Variants in NLGN1 observed in about 807,000 individuals in gnomAD.
The protein encoded by NLGN1 is neuroligin 1, also known as neuroligin-1.
NLGN1 carries 12 observed loss-of-function variants against 65.5 expected under a neutral mutation model. That is an observed-to-expected ratio of 0.18 (90% CI 0.12 to 0.30). The LOEUF is 0.30. NLGN1 is among the 10% of genes least tolerant of loss of function. The pLI is 1.00. For missense variants in NLGN1, 750 were observed against 1,007.1 expected (o/e 0.74, Z 3.46); for synonymous variants, 350 against 359.5 (o/e 0.97, Z 0.30).
chr3:174,069,686 C>G (rs6807789), intron 4 of NLGN1, among the ~76,000 whole-genome samples: 5,056 of 152,260 alleles, frequency 0.033, 281 homozygotes, highest in African/African-American at 0.12. Flanking sequence ...GATTGTTCAG[C>G]TGTTTGGGCA....
chr3:173,729,561 G>A (rs1242173302), intron 3 of NLGN1, among the ~76,000 whole-genome samples: 1 of 152,024 alleles, frequency 6.6e-6, no homozygotes, highest in African/African-American at 2.4e-5. Flanking sequence ...ATGCAAAATT[G>A]TAAGCTTTTC....
At position 173,940,547 on chromosome 3, in the gene NLGN1, G is replaced by A. The variant is rs182062293; in HGVS notation, c.646+132715G>A. On this transcript the variant is annotated intron_variant, in intron 4 of 6. Transcript: ENST00000457714. ...ATATAAAACTACAGATTTGATATGT[G>A]TCATTCGGAAAAACTGTCCTGAACA... is the stretch of plus-strand genomic sequence containing the variant. Among the ~76,000 whole-genome samples the A allele has an allele frequency of 3.8e-4, 58 of 152,164 alleles. 1 individual carries two copies. Among genetic ancestry groups the A allele is most frequent in the African/African-American group, 1.3e-3 (55 of 41,502 alleles).
At chr3:174,278,226 T>C (rs570969441) in intron 5 of NLGN1, among the ~76,000 whole-genome samples, 1 of 151,974 alleles carries the variant, frequency 6.6e-6, no homozygotes, top group Admixed American at 6.6e-5. Flanking sequence ...TTATGTCTTC[T>C]TCTGAAAGAT....
intron 2 of NLGN1, among the ~76,000 whole-genome samples, chr3:173,461,973 T>TG (rs1576805797): frequency 6.6e-6 from 1 of 152,196 alleles, no homozygotes; most frequent in Non-Finnish European, 1.5e-5. Context: ...TGTAAAGTTG[T>TG]GCTTCTCAAA....
intron 3 of NLGN1, among the ~76,000 whole-genome samples, chr3:173,672,373 A>G (rs1762561953): frequency 6.6e-6 from 1 of 152,162 alleles, no homozygotes. Context: ...TATCAGGGTG[A>G]ATAAAGACTG....
At chr3:173,604,678 C>T (rs370512356) in exon 3 of NLGN1, 15 of 1,613,554 alleles carry the variant, frequency 9.3e-6, no homozygotes, top group Non-Finnish European at 1.2e-5. Context: ...GGATTGGGTG[C>T]CCCATTGACT....
intron 2 of NLGN1, among the ~76,000 whole-genome samples, chr3:173,441,769 G>A (rs778265218): frequency 1.3e-5 from 2 of 152,122 alleles, no homozygotes; most frequent in Non-Finnish European, 2.9e-5. Flanking sequence ...ATGCTGTTGG[G>A]AAAATGACAC....
intron 4 of NLGN1, among the ~76,000 whole-genome samples, chr3:174,050,233 TA>T (rs1206308406): frequency 6.6e-6 from 1 of 152,034 alleles, no homozygotes; most frequent in Non-Finnish European, 1.5e-5. Context: ...AGGTGACTAG[TA>T]TTCAAAAGGA....
rs577301398 is a variant in NLGN1, at chr3:174,066,048, C to T, written c.647-209267C>T. Among the ~76,000 whole-genome samples, 231 of 152,228 alleles carry T rather than the reference C, an allele frequency of 1.5e-3. 1 individual carries two copies. The highest frequency in any genetic ancestry group is 5.3e-3 in the African/African-American group (221 of 41,544). Reference sequence around the variant, plus strand: ...AATTTGTTACACAGCATTACTAATGCACTTGGATTTGTAAGACTGCTTTTT... The same window carrying T: ...AATTTGTTACACAGCATTACTAATGTACTTGGATTTGTAAGACTGCTTTTT... On this transcript the variant is annotated intron_variant, in intron 4 of 6. Transcript: ENST00000457714.
intron 2 of NLGN1, among the ~76,000 whole-genome samples, chr3:173,436,963 A>C (rs1431731672): frequency 1.3e-5 from 2 of 152,084 alleles, no homozygotes; most frequent in African/African-American, 4.8e-5. Flanking sequence ...TTGGTGCTGC[A>C]ATGTTCCTTT....
chr3:173,660,552 T>C (rs1760785734), intron 3 of NLGN1, among the ~76,000 whole-genome samples: 2 of 151,830 alleles, frequency 1.3e-5, no homozygotes, highest in Admixed American at 6.6e-5. Context: ...ATCAAAAGCA[T>C]TACAGTCAAT....
At chr3:173,479,586 T>C (rs1270809536) in intron 2 of NLGN1, among the ~76,000 whole-genome samples, 1 of 152,150 alleles carries the variant, frequency 6.6e-6, no homozygotes, top group Non-Finnish European at 1.5e-5. Flanking sequence ...ACTCTTCCAC[T>C]CCCAGTGTTG....
chr3:174,221,161 T>A (rs1239169603), intron 4 of NLGN1, among the ~76,000 whole-genome samples: 1 of 151,910 alleles, frequency 6.6e-6, no homozygotes. Flanking sequence ...CAGCCCACCT[T>A]GAAAAGATGG....
chr3:173,833,378 G>T (rs1722973339), intron 4 of NLGN1, among the ~76,000 whole-genome samples: 1 of 151,580 alleles, frequency 6.6e-6, no homozygotes, highest in Non-Finnish European at 1.5e-5. Flanking sequence ...TTCCTTCCAT[G>T]GATTGCTTAT....
intron 3 of NLGN1, among the ~76,000 whole-genome samples, chr3:173,635,996 T>C (rs1004271245): frequency 2.0e-5 from 3 of 152,142 alleles, no homozygotes; most frequent in African/African-American, 7.2e-5. Context: ...TGTAGTATAT[T>C]TATTGGCCTT....
At chr3:173,819,315 A>G (rs1719702027) in intron 4 of NLGN1, among the ~76,000 whole-genome samples, 1 of 152,146 alleles carries the variant, frequency 6.6e-6, no homozygotes, top group Non-Finnish European at 1.5e-5. Context: ...CAGGCAAATT[A>G]CTTTAATCCA....
intron 4 of NLGN1, among the ~76,000 whole-genome samples, chr3:173,913,566 A>G (rs1320150071): frequency 1.3e-5 from 2 of 152,262 alleles, no homozygotes; most frequent in Non-Finnish European, 2.9e-5. Flanking sequence ...GCAGCTGGGT[A>G]AGTCTCTCAG....
chr3:173,490,702 G>A (rs866766922), intron 2 of NLGN1, among the ~76,000 whole-genome samples: 140 of 152,068 alleles, frequency 9.2e-4, no homozygotes, highest in African/African-American at 3.2e-3. Context: ...CGATTTTCAC[G>A]ATATTGATTC....
At chr3:174,002,177 G>C (rs910565660) in intron 4 of NLGN1, among the ~76,000 whole-genome samples, 1 of 151,966 alleles carries the variant, frequency 6.6e-6, no homozygotes. Context: ...GCCCAGGCTG[G>C]AGTGCAGTGG....
Sources: gnomAD v4.1 joint callset for allele counts (sites outside exome capture counted in the v4.1 genomes callset) on GRCh38, gnomAD v4.1.1 for gene constraint, MANE v1.5 for transcripts, NCBI Gene and HGNC (gene_info 2026-07-23, HGNC 2026-07-21) for gene names.